Variants in HOXA3 observed in about 807,000 individuals in gnomAD.
HOXA3 encodes homeobox protein Hox-A3.
Under a neutral mutation model 30.3 loss-of-function variants are expected in HOXA3, and 8 were observed. The ratio of observed to expected loss-of-function variants is 0.26; its 90% CI spans 0.15 to 0.48. The LOEUF (loss-of-function observed/expected upper bound fraction) is 0.48. HOXA3 is among the 20% of genes least tolerant of loss of function. The pLI is 0.99. For missense variants in HOXA3, 653 were observed against 614.4 expected, an observed-to-expected ratio of 1.06 and a Z score of -0.66; for synonymous variants, 323 against 273.1, an observed-to-expected ratio of 1.18 and a Z score of -1.80.
In HOXA3 at chr7:27,113,431, G is replaced by A. The variant is rs966641161; in HGVS notation, c.-120-2671C>T. On this transcript the variant is annotated intron_variant, in intron 4 of 5. Transcript: ENST00000612286. The surrounding 1 kb of genome is among the most constrained non-coding windows in gnomAD (Gnocchi z 4.8). ...CCCAGAAAAGTTAAGGCTGGGCTAG[G>A]GGAGAGGCAAGAGGTGGGGGCGGGG... 2.6e-5 allele frequency among the ~76,000 whole-genome samples: 4 copies of A among 152,152 alleles called. No homozygotes were observed. The highest frequency in any genetic ancestry group is 5.9e-5 in the Non-Finnish European group (4 of 68,032).
intron 1 of HOXA3, chr7:27,151,025 G>C (rs1190917601): frequency 6.6e-6 from 1 of 152,260 alleles, no homozygotes; most frequent in Non-Finnish European, 1.5e-5. Flanking sequence ...ATCGGCCCGC[G>C]GCAGCCGCAG....
In HOXA3 at chr7:27,119,158, C is replaced by CA. The variant is rs1448394023; in HGVS notation, c.-121+3400dup. ...TTGCTCTGCAAGAGACCCCCCCCCC[C>CA]AAAAAAAATAAGAAAAAAAAGAAAA... On this transcript the variant is annotated intron_variant, in intron 4 of 5. Coordinates refer to ENST00000612286, the MANE Select transcript of HOXA3 (RefSeq NM_153631.3). Among the ~76,000 whole-genome samples the CA allele has an allele frequency of 5.6e-3, 474 of 84,642 alleles. 5 individuals are homozygous for CA. The highest frequency in any genetic ancestry group is 0.018 in the African/African-American group (404 of 22,362). The allele number at this position is 84,642 out of a possible 152,430, so 55.5% of individuals were successfully genotyped here.
chr7:27,144,113 A>ACTT (rs1286899301), intron 1 of HOXA3, among the ~76,000 whole-genome samples: 4 of 152,310 alleles, frequency 2.6e-5, no homozygotes. Context: ...GGAGGTGGTG[A>ACTT]CTTGCATTTT....
intron 2 of HOXA3, among the ~76,000 whole-genome samples, chr7:27,137,269 G>A (rs549436336): frequency 6.6e-6 from 1 of 152,296 alleles, no homozygotes; most frequent in African/African-American, 2.4e-5. Context: ...AGGAGAAAGG[G>A]AATCTTGGCA....
chr7:27,119,754 G>A (rs183067609), intron 4 of HOXA3, among the ~76,000 whole-genome samples: 28 of 152,230 alleles, frequency 1.8e-4, no homozygotes, highest in South Asian at 4.1e-4. Context: ...AAAATGTAAG[G>A]CCTTTCATAA....
chr7:27,129,491 CCTT>C (rs775873772), intron 2 of HOXA3: 7 of 1,614,030 alleles, frequency 4.3e-6, no homozygotes, highest in East Asian at 4.5e-5. Context: ...AAGTGGAACT[CCTT>C]CTCCAGCTCC....
chr7:27,150,769 C>T, intron 1 of HOXA3: 1 of 152,674 alleles, frequency 6.5e-6, no homozygotes, highest in Non-Finnish European at 1.5e-5. Context: ...GGGGAGGACC[C>T]GAGTCTATAA....
rs892291193 is a variant in HOXA3 at position 27,108,865 on chromosome 7, T to C, written c.527-145A>G. 5 of 618,202 alleles carry C rather than the reference T, an allele frequency of 8.1e-6. No individual in the cohort carries two copies. Among genetic ancestry groups the C allele is most frequent in the Admixed American group, 3.0e-5 (1 of 33,760 alleles). 38.3% of individuals were successfully genotyped at this position (618,202 alleles called of 1,614,324 possible). A position where few individuals can be genotyped will look rare whatever the true frequency, so the allele number is the denominator to read the frequency against. ...AGAGAGAAGTAGGAACTAGGTGCTA[T>C]CCTCTCTCCTGGTGGGTAAAACAGT... On this transcript the variant is annotated intron_variant, in intron 5 of 5. Transcript: ENST00000612286. This position sits in a 1 kb window ranked among gnomAD's most constrained non-coding sequence, Gnocchi z 5.0.
At position 27,110,396 on chromosome 7, in the gene HOXA3, G is replaced by A. The variant is rs1357808537; in HGVS notation, c.245C>T (p.Pro82Leu). The A allele has an allele frequency of 6.5e-7, 1 of 1,531,144 alleles. No homozygotes were observed. The highest frequency in any genetic ancestry group is 1.4e-5 in the African/African-American group (1 of 73,368). 94.8% of individuals were successfully genotyped at this position (1,531,144 alleles called of 1,614,324 possible). A position where few individuals can be genotyped will look rare whatever the true frequency, so the allele number is the denominator to read the frequency against. ...CAGGGGCGGCTCTCCCAGGCTTGGA[G>A]GCTGGCTAGGTGGGGCGCTCAGGGT... ...LRTLSAPPSQ[P>L]PSLGEPPLHP... Residue 82 changes from proline to leucine, a missense_variant, in exon 5 of 6, where the codon CCT becomes CTT. By Grantham distance (98) the Pro-to-Leu change is moderately conservative. Transcript: ENST00000612286.
chr7:27,146,247 G>A (rs962134858), intron 1 of HOXA3, among the ~76,000 whole-genome samples: 1 of 81,164 alleles, frequency 1.2e-5, no homozygotes, highest in African/African-American at 4.4e-5. Context: ...GTGTGTGTGT[G>A]TGTTTGTGTG....
intron 3 of HOXA3, chr7:27,123,076 G>C (rs1416651690): frequency 6.6e-6 from 1 of 152,190 alleles, no homozygotes; most frequent in Non-Finnish European, 1.5e-5. Context: ...CTAACAAAAG[G>C]AAGCCTTGTC....
At chr7:27,121,304 C>G (rs1785005485) in intron 4 of HOXA3, 1 of 149,164 alleles carries the variant, frequency 6.7e-6, no homozygotes, top group African/African-American at 2.5e-5. Flanking sequence ...CCTGTGGGTG[C>G]AAGTGCAGTA....
intron 2 of HOXA3, chr7:27,129,965 C>G: frequency 1.2e-6 from 1 of 824,290 alleles, no homozygotes; most frequent in Non-Finnish European, 1.9e-6. Context: ...GGCTGGCTGG[C>G]GCGCACATAC....
At chr7:27,125,220 T>C (rs17427644) in intron 3 of HOXA3, among the ~76,000 whole-genome samples, 1 of 152,362 alleles carries the variant, frequency 6.6e-6, no homozygotes, top group Non-Finnish European at 1.5e-5. Context: ...CTCGTACTCA[T>C]TAACTTAAGG....
intron 2 of HOXA3, among the ~76,000 whole-genome samples, chr7:27,133,081 C>T (rs1056350056): frequency 1.3e-5 from 2 of 152,146 alleles, no homozygotes; most frequent in African/African-American, 4.8e-5. Context: ...GATGGCCTTA[C>T]ACAGAATCCC....
chr7:27,148,215 G>T (rs903123959), intron 1 of HOXA3, among the ~76,000 whole-genome samples: 1 of 152,272 alleles, frequency 6.6e-6, no homozygotes, highest in African/African-American at 2.4e-5. Context: ...AAACCTGAAG[G>T]TCCTGCTCCA....
At chr7:27,145,439 T>G (rs1583410268) in intron 1 of HOXA3, 1 of 641,550 alleles carries the variant, frequency 1.6e-6, no homozygotes, top group Non-Finnish European at 2.6e-6. Context: ...GTATTGGCTG[T>G]GTGTGAGGTT....
intron 4 of HOXA3, among the ~76,000 whole-genome samples, chr7:27,119,955 C>G (rs1784920606): frequency 1.3e-5 from 2 of 152,090 alleles, no homozygotes; most frequent in South Asian, 4.1e-4. Flanking sequence ...GTAAGAACTC[C>G]AAGTGAAAAC....
intron 4 of HOXA3, chr7:27,116,193 G>T (rs201668437): frequency 4.1e-4 from 63 of 152,742 alleles, no homozygotes; most frequent in African/African-American, 1.5e-3. Flanking sequence ...TCTCATCCAG[G>T]GGGACTAGAA....
Sources: allele counts gnomAD v4.1 joint callset (sites outside exome capture counted in the v4.1 genomes callset), GRCh38; gene constraint gnomAD v4.1.1; non-coding constraint Gnocchi (gnomAD v3.1); transcripts MANE v1.5; gene names NCBI Gene and HGNC (gene_info 2026-07-23, HGNC 2026-07-21).